EPHA10: variants seen among roughly 807,000 people sequenced by gnomAD.
EPHA10 encodes the protein ephrin type-A receptor 10.
EPHA10 carries 120 observed loss-of-function variants against 109.7 expected under a neutral mutation model. That is an observed-to-expected ratio of 1.09 (90% CI 0.94 to 1.27). EPHA10 has a LOEUF of 1.27. EPHA10 is among the 50% of genes most tolerant of loss of function. The pLI, the probability that EPHA10 is intolerant of heterozygous loss-of-function variation, is 0.00. For missense variants in EPHA10, 1,396 were observed against 1,411.1 expected (o/e 0.99, Z 0.17); for synonymous variants, 640 against 618.9 (o/e 1.03, Z -0.51).
At position 37,754,227 on chromosome 1, in the gene EPHA10, C is replaced by T; in HGVS notation, c.994G>A (p.Ala332Thr). Residue 332 changes from alanine (A) to threonine (T), a missense_variant, in exon 4 of 17, where the codon GCT (alanine) becomes ACT (threonine). Transcript: ENST00000373048. The surrounding 1 kb of genome is among the most constrained non-coding windows in gnomAD (Gnocchi z 4.5). ...AGGGGGGACTCACGGGTGCAGGAAG[C>T]CGAGGGCGGGTCGGTGGGTGAGCGC... The part of the protein sequence containing the change: ...YARSPTDPPS[A>T]SCTRPPSAPR... 7.7e-7 allele frequency: 1 copy of T among 1,302,446 alleles called. No individual in the cohort carries two copies. The highest frequency in any genetic ancestry group is 9.8e-7 in the Non-Finnish European group (1 of 1,018,946). 80.7% of individuals were successfully genotyped at this position (1,302,446 alleles called of 1,614,324 possible). A position where few individuals can be genotyped will look rare whatever the true frequency, so the allele number is the denominator to read the frequency against.
chr1:37,723,187 C>A, intron 9 of EPHA10, 21 bp from the exon 10 acceptor site: 1 of 1,609,348 alleles, frequency 6.2e-7, no homozygotes, highest in Non-Finnish European at 8.5e-7. Flanking sequence ...AAGAGATGAG[C>A]CTGAGGAATG....
intron 14 of EPHA10, 80 bp from the exon 15 acceptor site, chr1:37,719,687 C>T: frequency 6.8e-7 from 1 of 1,479,372 alleles, no homozygotes; most frequent in Non-Finnish European, 9.3e-7. Context: ...CATGCACACA[C>T]ACAGACACAG....
chr1:37,714,951 G>C (rs1645671075), downstream of EPHA10: 1 of 152,218 alleles, frequency 6.6e-6, no homozygotes, highest in Non-Finnish European at 1.5e-5. Context: ...AGTAGCCCAA[G>C]CAAATGAATA....
At chr1:37,737,385 G>T (rs376358285) in intron 5 of EPHA10, among the ~76,000 whole-genome samples, 1 of 152,128 alleles carries the variant, frequency 6.6e-6, no homozygotes, top group African/African-American at 2.4e-5. Flanking sequence ...CAAAGCTACA[G>T]TAATCAAAGC....
intron 3 of EPHA10, 199 bp downstream of exon 3, chr1:37,761,206 C>G (rs1646426737): frequency 7.4e-6 from 11 of 1,477,702 alleles, no homozygotes; most frequent in Non-Finnish European, 9.8e-6. Context: ...TCAATTTCAT[C>G]TAGTAAGTTC....
intron 5 of EPHA10, among the ~76,000 whole-genome samples, chr1:37,745,782 G>A (rs1032340077): frequency 6.6e-6 from 1 of 152,166 alleles, no homozygotes; most frequent in Non-Finnish European, 1.5e-5. Context: ...CCTGGGAAGC[G>A]GAGGTTGCAG....
chr1:37,760,664 T>A (rs1184960994), intron 3 of EPHA10: 4 of 217,224 alleles, frequency 1.8e-5, no homozygotes, highest in Non-Finnish European at 3.7e-5. Flanking sequence ...GGAGACCTCA[T>A]GATGTCATAG....
At chr1:37,719,748 C>T in intron 14 of EPHA10, 141 bp from the exon 15 acceptor site, 2 of 1,386,900 alleles carry the variant, frequency 1.4e-6, no homozygotes, top group Non-Finnish European at 2.0e-6. Flanking sequence ...ACACACACAC[C>T]CAAGGAAGCC....
chr1:37,762,871 A>T, intron 1 of EPHA10, 22 bp from the exon 2 acceptor site: 1 of 1,546,034 alleles, frequency 6.5e-7, no homozygotes, highest in Non-Finnish European at 8.7e-7. Context: ...GGAAGACAGA[A>T]ATATCAGAAA....
Position 37,721,687 on chromosome 1 carries a change from C to T in EPHA10, c.2119G>A (p.Val707Met), listed in dbSNP as rs755182243. Residue 707 changes from valine to methionine, a missense_variant, in exon 11 of 17, where the codon GTG (valine) becomes ATG (methionine). Val to Met is a conservative substitution (Grantham distance 21). Coordinates refer to ENST00000373048, the MANE Select transcript of EPHA10 (RefSeq NM_001099439.2). Reference protein sequence around the residue: ...TLGQFDHSHIVRLEGVVTRGS... With the variant: ...TLGQFDHSHIMRLEGVVTRGS... ...CGGGTAACAACGCCCTCCAGCCGCACGATGTGGCTATGGTCAAACTGGCCC... is the reference window on the plus strand; with the variant it reads ...CGGGTAACAACGCCCTCCAGCCGCATGATGTGGCTATGGTCAAACTGGCCC... 17 of 1,609,512 alleles carry T rather than the reference C, an allele frequency of 1.1e-5. No individual in the cohort carries two copies. Among genetic ancestry groups the T allele is most frequent in the African/African-American group, 5.3e-5 (4 of 74,776 alleles).
chr1:37,730,328 AAAG>A (rs1408104010), intron 7 of EPHA10, among the ~76,000 whole-genome samples: 1 of 152,190 alleles, frequency 6.6e-6, no homozygotes, highest in African/African-American at 2.4e-5. Flanking sequence ...AGCAGGTTGG[AAAG>A]AATTATTATC....
rs1397140690 is a variant in EPHA10 at position 37,752,930 on chromosome 1, C to T, written c.1303G>A (p.Ala435Thr). The T allele has an allele frequency of 2.9e-5, 38 of 1,310,504 alleles. No individual in the cohort carries two copies. The highest frequency in any genetic ancestry group is 7.5e-5 in the Admixed American group (2 of 26,736). 81.2% of individuals were successfully genotyped at this position (1,310,504 alleles called of 1,614,324 possible). A position where few individuals can be genotyped will look rare whatever the true frequency, so the allele number is the denominator to read the frequency against. ...VAALNGVSGP[A>T]AAAGTTYAQV... is the part of the protein sequence containing the mutation. Reference sequence around the variant, plus strand: ...GCGTAGGTGGTTCCCGCGGCGGCCGCCGGGCCCGAGACGCCGTTGAGCGCG... The same window carrying T: ...GCGTAGGTGGTTCCCGCGGCGGCCGTCGGGCCCGAGACGCCGTTGAGCGCG... Residue 435 changes from alanine (A) to threonine (T), a missense_variant, in exon 5 of 17, where the codon GCG becomes ACG. Coordinates refer to ENST00000373048, the MANE Select transcript of EPHA10 (RefSeq NM_001099439.2).
chr1:37,756,878 T>G (rs1646395759), intron 3 of EPHA10, among the ~76,000 whole-genome samples: 1 of 152,108 alleles, frequency 6.6e-6, no homozygotes, highest in Admixed American at 6.6e-5. Context: ...CAGGCTGGAG[T>G]GCAGTGGCAC....
intron 7 of EPHA10, among the ~76,000 whole-genome samples, chr1:37,729,282 G>A (rs115200430): frequency 3.9e-5 from 6 of 152,316 alleles, no homozygotes; most frequent in African/African-American, 1.4e-4. Flanking sequence ...TAAGTCACTG[G>A]CACCTAGCTG....
chr1:37,722,924 G>A (rs770705472), intron 10 of EPHA10, 117 bp downstream of exon 10: 2 of 1,504,292 alleles, frequency 1.3e-6, no homozygotes, highest in East Asian at 2.3e-5. Context: ...CCAGACACGA[G>A]CAGAGACCTG....
At chr1:37,740,466 C>T (rs676519) in intron 5 of EPHA10, among the ~76,000 whole-genome samples, 24,948 of 151,838 alleles carry the variant, frequency 0.16, 2,124 homozygotes, top group Middle Eastern at 0.23. Context: ...CCACCACGCC[C>T]AGCTAATTTT....
Position 37,731,421 on chromosome 1 carries a change from G to T in EPHA10, c.1653C>A (p.Thr551=), listed in dbSNP as rs1038060275. ...ACACACACTACTTACCCTCCCCCAG[G>T]GTCTGTACTTCAATGCTGGGGTTAA... ...QSFNPSIEVQ[T]LGEAASGSRD... The change falls in exon 7 of 17, where the codon ACC becomes ACA. Residue 551 remains threonine, a synonymous_variant. Transcript: ENST00000373048. The T allele has an allele frequency of 7.5e-6, 12 of 1,608,972 alleles. No homozygotes were observed. Among genetic ancestry groups the T allele is most frequent in the Non-Finnish European group, 1.0e-5 (12 of 1,177,266 alleles).
chr1:37,719,866 G>A, intron 14 of EPHA10, 43 bp downstream of exon 14: 1 of 1,613,618 alleles, frequency 6.2e-7, no homozygotes, highest in Non-Finnish European at 8.5e-7. Flanking sequence ...GGCCTGAGCT[G>A]AGAGGGTCAG....
Position 37,723,373 on chromosome 1 carries a change from C to T in EPHA10, c.1773-1G>A. On this transcript the variant is annotated splice_acceptor_variant, in intron 8 of 16. Coordinates refer to ENST00000373048, the MANE Select transcript of EPHA10 (RefSeq NM_001099439.2). LOFTEE classifies it high-confidence loss of function. ...TCCTCCTTTGCCATAGCTGCAGGGC[C>T]TGGCAGGGAGTTCAGGGTCATTCTT... The T allele has an allele frequency of 6.2e-7, 1 of 1,614,120 alleles. No homozygotes were observed. The highest frequency in any genetic ancestry group is 8.5e-7 in the Non-Finnish European group (1 of 1,179,994).
Sources: gnomAD v4.1 joint callset for allele counts (sites outside exome capture counted in the v4.1 genomes callset) on GRCh38, gnomAD v4.1.1 for gene constraint, Gnocchi (gnomAD v3.1) non-coding constraint, MANE v1.5 for transcripts, NCBI Gene and HGNC (gene_info 2026-07-23, HGNC 2026-07-21) for gene names.